The following NRXN3 variants were observed in gnomAD, a reference collection of about 807,000 sequenced individuals.
NRXN3 encodes the protein neurexin 3, also known as neurexin III.
A neutral mutation model predicts 137.6 loss-of-function variants in NRXN3; 32 were observed. The observed-to-expected ratio is 0.23, with a 90% CI of 0.18 to 0.31. NRXN3 has a LOEUF of 0.31. NRXN3 is among the 10% of genes least tolerant of loss of function. The pLI, the probability that NRXN3 is intolerant of heterozygous loss-of-function variation, is 1.00. For missense variants in NRXN3, 1,574 were observed against 2,062.5 expected, an observed-to-expected ratio of 0.76 and a Z score of 4.59; for synonymous variants, 798 against 784.5, an observed-to-expected ratio of 1.02 and a Z score of -0.29.
chr14:79,245,862 A>C (rs1367926390), intron 15 of NRXN3, among the ~76,000 whole-genome samples: 1 of 152,164 alleles, frequency 6.6e-6, no homozygotes, highest in African/African-American at 2.4e-5. Flanking sequence ...ACACACATAA[A>C]TTGTTTTTAA....
intron 10 of NRXN3, among the ~76,000 whole-genome samples, chr14:78,942,061 G>A (rs530840398): frequency 1.2e-4 from 19 of 152,322 alleles, no homozygotes; most frequent in South Asian, 8.3e-4. Flanking sequence ...ATGATAGGTC[G>A]TCTTAATGGA....
intron 19 of NRXN3, among the ~76,000 whole-genome samples, chr14:79,710,640 T>C (rs1348844883): frequency 6.6e-6 from 1 of 152,252 alleles, no homozygotes; most frequent in Non-Finnish European, 1.5e-5. Flanking sequence ...GCATGAGATA[T>C]ATAACTGAGG....
chr14:79,425,570 A>G (rs1489736499), intron 15 of NRXN3, among the ~76,000 whole-genome samples: 1 of 152,210 alleles, frequency 6.6e-6, no homozygotes, highest in Non-Finnish European at 1.5e-5. Flanking sequence ...ATTTTCAATA[A>G]TCCTATGAAT....
intron 15 of NRXN3, among the ~76,000 whole-genome samples, chr14:79,130,478 C>A (rs986688178): frequency 1.4e-4 from 22 of 152,036 alleles, no homozygotes; most frequent in South Asian, 6.3e-4. Flanking sequence ...GTTGAAAATT[C>A]TTTTCTTTAA....
chr14:79,470,074 A>G (rs2096481150), intron 16 of NRXN3, among the ~76,000 whole-genome samples: 1 of 152,184 alleles, frequency 6.6e-6, no homozygotes, highest in African/African-American at 2.4e-5. Flanking sequence ...TTCTTGTACT[A>G]AAGAAAATTA....
At chr14:78,182,117 G>C (rs541937757) in intron 1 of NRXN3, among the ~76,000 whole-genome samples, 1 of 101,734 alleles carries the variant, frequency 9.8e-6, no homozygotes, top group South Asian at 2.9e-4. Context: ...TGATGGGGCC[G>C]GGGGGGACAA....
chr14:78,726,403 T>G (rs2098483623), intron 8 of NRXN3, among the ~76,000 whole-genome samples: 1 of 151,946 alleles, frequency 6.6e-6, no homozygotes, highest in Non-Finnish European at 1.5e-5. Flanking sequence ...TGTGTTCTCA[T>G]TTTTCAACTC....
chr14:78,244,843 T>C (rs2067456390), intron 2 of NRXN3, among the ~76,000 whole-genome samples: 1 of 152,180 alleles, frequency 6.6e-6, no homozygotes, highest in Non-Finnish European at 1.5e-5. Context: ...CAGCATAGCC[T>C]GGAGAACCTC....
chr14:78,217,683 A>T lies in NRXN3; in HGVS notation c.-703-24708A>T, dbSNP rs55788910. ...AATAGTATTTCTTTTTTAGTTTGAG[A>T]TGGAGCCTTGCTCTGTCGCCTGGGC... is the stretch of plus-strand genomic sequence containing the variant. On this transcript the variant is annotated intron_variant, in intron 1 of 20. Coordinates refer to ENST00000335750, the MANE Select transcript of NRXN3 (RefSeq NM_001330195.2). Among the ~76,000 whole-genome samples the T allele has an allele frequency of 5.2e-3, 789 of 152,280 alleles. 7 individuals are homozygous for T. Among genetic ancestry groups the T allele is most frequent in the African/African-American group, 0.018 (759 of 41,542 alleles).
At chr14:78,790,648 G>A (rs1018910132) in intron 8 of NRXN3, among the ~76,000 whole-genome samples, 3 of 152,180 alleles carry the variant, frequency 2.0e-5, no homozygotes, top group African/African-American at 7.2e-5. Flanking sequence ...CTTAAGCAGT[G>A]TGTGATGCCA....
chr14:78,185,046 A>G (rs186989900), intron 1 of NRXN3, among the ~76,000 whole-genome samples: 72 of 152,366 alleles, frequency 4.7e-4, no homozygotes, highest in African/African-American at 1.6e-3. Context: ...ACACGGACCA[A>G]GCTGGTTGAG....
intron 1 of NRXN3, among the ~76,000 whole-genome samples, chr14:78,195,311 G>A (rs2061127757): frequency 6.6e-6 from 1 of 152,114 alleles, no homozygotes; most frequent in Non-Finnish European, 1.5e-5. Context: ...TCGATTGTTG[G>A]TTTGTTCATT....
intron 4 of NRXN3, among the ~76,000 whole-genome samples, chr14:78,641,818 G>A (rs2097636854): frequency 6.6e-6 from 1 of 152,202 alleles, no homozygotes; most frequent in Non-Finnish European, 1.5e-5. Flanking sequence ...ATAGTTGCAT[G>A]GAGATTAGCA....
chr14:78,568,917 G>T (rs1219085561), intron 4 of NRXN3, among the ~76,000 whole-genome samples: 1 of 148,582 alleles, frequency 6.7e-6, no homozygotes, highest in Non-Finnish European at 1.5e-5. Context: ...CTTCCCCAGA[G>T]AATCTGATTC....
At position 79,458,850 on chromosome 14, in the gene NRXN3, C is replaced by T. The variant is rs573655615; in HGVS notation, c.3263-8371C>T. On this transcript the variant is annotated intron_variant, in intron 15 of 20. Transcript: ENST00000335750. ...TAATCAGGAATGGACTATTATCTGA[C>T]CTTACTTTATTCACTTTATAAGAGG... Among the ~76,000 whole-genome samples the T allele has an allele frequency of 3.3e-5, 5 of 152,174 alleles. No homozygotes were observed. In the East Asian group the frequency reaches 9.7e-4, roughly 29 times the overall value.
intron 4 of NRXN3, among the ~76,000 whole-genome samples, chr14:78,322,697 C>A (rs1016023891): frequency 6.6e-6 from 1 of 152,002 alleles, no homozygotes; most frequent in Non-Finnish European, 1.5e-5. Flanking sequence ...CTTGCTGAAA[C>A]CTTGGCTAGA....
chr14:78,489,916 CT>C (rs11342442), intron 4 of NRXN3, among the ~76,000 whole-genome samples: 83,520 of 140,368 alleles, frequency 0.6, 24,344 homozygotes, highest in Middle Eastern at 0.74. Flanking sequence ...GAGAGCTGGA[CT>C]TTTTTTTTTT....
intron 1 of NRXN3, among the ~76,000 whole-genome samples, chr14:78,239,573 C>T (rs1460907012): frequency 6.6e-6 from 1 of 152,212 alleles, no homozygotes; most frequent in African/African-American, 2.4e-5. Context: ...CAGCACCTAC[C>T]TCCTGCTGTT....
At chr14:78,299,681 A>G (rs190836903) in intron 4 of NRXN3, among the ~76,000 whole-genome samples, 3 of 152,254 alleles carry the variant, frequency 2.0e-5, no homozygotes, top group African/African-American at 4.8e-5. Context: ...TGCAGCATGG[A>G]TATCTTGGAA....
Sources: gnomAD v4.1 joint callset for allele counts (sites outside exome capture counted in the v4.1 genomes callset) on GRCh38, gnomAD v4.1.1 for gene constraint, MANE v1.5 for transcripts, NCBI Gene and HGNC (gene_info 2026-07-23, HGNC 2026-07-21) for gene names.